JAM3: variants seen among roughly 807,000 people sequenced by gnomAD.
JAM3 encodes the protein junctional adhesion molecule 3, also known as junctional adhesion molecule C.
A neutral mutation model predicts 39.4 loss-of-function variants in JAM3; 31 were observed. The observed-to-expected ratio is 0.79, with a 90% CI of 0.59 to 1.06. JAM3 has a LOEUF of 1.06. Ranked by LOEUF, JAM3 falls within the 50% of genes least tolerant of loss-of-function variation. The probability of loss-of-function intolerance (pLI) is 0.00; values close to 1 mark genes in which losing one functional copy is unlikely to be tolerated. For missense variants in JAM3, 455 were observed against 391.4 expected (o/e 1.16, Z -1.37); for synonymous variants, 182 against 148.7 (o/e 1.22, Z -1.63).
chr11:134,093,482 A>T (rs1409016946), intron 1 of JAM3, among the ~76,000 whole-genome samples: 335 of 104,240 alleles, frequency 3.2e-3, no homozygotes, highest in Middle Eastern at 6.9e-3. Flanking sequence ...CTTATTCATC[A>T]TGTTCCATCT....
chr11:134,132,782 A>G (rs751475788), intron 1 of JAM3, among the ~76,000 whole-genome samples: 1 of 152,182 alleles, frequency 6.6e-6, no homozygotes, highest in East Asian at 1.9e-4. Flanking sequence ...AAAACTCACG[A>G]GAATGTCTGG....
intron 1 of JAM3, among the ~76,000 whole-genome samples, chr11:134,132,939 T>C (rs1449422969): frequency 6.6e-6 from 1 of 152,228 alleles, no homozygotes; most frequent in African/African-American, 2.4e-5. Flanking sequence ...GAGTTTCTGC[T>C]CTGCAGGTTG....
At chr11:134,087,711 C>T (rs1198929083) in intron 1 of JAM3, among the ~76,000 whole-genome samples, 1 of 152,198 alleles carries the variant, frequency 6.6e-6, no homozygotes, top group Non-Finnish European at 1.5e-5. Flanking sequence ...CATGGATTTA[C>T]ACTATGCTCT....
In JAM3 at chr11:134,148,597, G is replaced by C. The variant is rs758388533; in HGVS notation, c.763G>C (p.Val255Leu). 6 of 1,614,140 alleles carry C rather than the reference G, an allele frequency of 3.7e-6. No individual in the cohort carries two copies. The highest frequency in any genetic ancestry group is 2.2e-5 in the East Asian group (1 of 44,884). ...TGGGGGGGTTCTGGTTGTCCTTGCT[G>C]TACTGGCCCTGATCACGTTGGGCAT... The part of the protein sequence containing the change: ...IIGGVLVVLA[V>L]LALITLGICC... The change falls in exon 7 of 9, where the codon GTA (valine) becomes CTA (leucine). Residue 255 changes from valine to leucine, a missense_variant. By Grantham distance (32) the Val-to-Leu change is conservative (BLOSUM62 1). Coordinates refer to ENST00000299106, the MANE Select transcript of JAM3 (RefSeq NM_032801.5).
chr11:134,069,198 T>TG (rs1319963337), intron 1 of JAM3, 39 bp downstream of exon 1: 1 of 1,604,656 alleles, frequency 6.2e-7, no homozygotes, highest in East Asian at 2.2e-5. Flanking sequence ...GACTAGGGTC[T>TG]GGGGGCGACG....
rs646998 is a variant in JAM3, at chr11:134,140,827, A to G, written c.256+57A>G. ...CTTTCCTCTGTCCATAGACCTGGGT[A>G]TACACTCTTGGCCAGAAACTTACCT... On this transcript the variant is annotated intron_variant, in intron 3 of 8. Coordinates refer to ENST00000299106, the MANE Select transcript of JAM3 (RefSeq NM_032801.5). 534,022 of 1,561,506 alleles carry G rather than the reference A, an allele frequency of 0.34. 98,787 individuals are homozygous for G. The highest frequency in any genetic ancestry group is 0.76 in the African/African-American group (55,399 of 73,350).
intron 1 of JAM3, among the ~76,000 whole-genome samples, chr11:134,125,309 C>G (rs898296589): frequency 1.3e-5 from 2 of 152,192 alleles, no homozygotes; most frequent in African/African-American, 4.8e-5. Flanking sequence ...CACATCATGT[C>G]AGAGGCTTTT....
chr11:134,076,938 G>A (rs920340261), intron 1 of JAM3, among the ~76,000 whole-genome samples: 1 of 150,528 alleles, frequency 6.6e-6, no homozygotes, highest in Non-Finnish European at 1.5e-5. Context: ...GGGTTCAAGC[G>A]ATTCTTCTAC....
At chr11:134,078,462 C>G (rs1260512123) in intron 1 of JAM3, among the ~76,000 whole-genome samples, 2 of 152,180 alleles carry the variant, frequency 1.3e-5, no homozygotes, top group African/African-American at 2.4e-5. Context: ...GTTTAACACT[C>G]CTACCCATCT....
chr11:134,125,640 A>G lies in JAM3; in HGVS notation c.77-14211A>G, dbSNP rs114237114. Among the ~76,000 whole-genome samples, 1,104 of 152,262 alleles carry G rather than the reference A, an allele frequency of 7.3e-3. 9 individuals are homozygous for G. Among genetic ancestry groups the G allele is most frequent in the African/African-American group, 0.025 (1,037 of 41,550 alleles). On this transcript the variant is annotated intron_variant, in intron 1 of 8. Coordinates refer to ENST00000299106, the MANE Select transcript of JAM3 (RefSeq NM_032801.5). ...AGTGTAGTCATCTTTCCATCGATGG[A>G]TGCTGGGAAGCTGAATCGGTGTTGA...
At chr11:134,131,705 G>A (rs1324811575) in intron 1 of JAM3, among the ~76,000 whole-genome samples, 1 of 152,102 alleles carries the variant, frequency 6.6e-6, no homozygotes, top group Non-Finnish European at 1.5e-5. Flanking sequence ...AAGGCAATCA[G>A]GCAAACAGTC....
chr11:134,103,812 A>C (rs1322887609), intron 1 of JAM3, among the ~76,000 whole-genome samples: 1 of 152,212 alleles, frequency 6.6e-6, no homozygotes, highest in Non-Finnish European at 1.5e-5. Context: ...ATAGCTAACT[A>C]TCCTAAATAT....
chr11:134,144,442 A>G (rs1264874315), intron 4 of JAM3, 49 bp downstream of exon 4: 5 of 1,603,328 alleles, frequency 3.1e-6, no homozygotes, highest in South Asian at 2.2e-5. Flanking sequence ...GATGCAAGAG[A>G]TCAGTTAGTG....
intron 1 of JAM3, among the ~76,000 whole-genome samples, chr11:134,084,735 C>T (rs1259567801): frequency 2.6e-5 from 4 of 152,274 alleles, no homozygotes; most frequent in South Asian, 2.1e-4. Context: ...TAGAGCCCCT[C>T]GCTTACAAAG....
intron 1 of JAM3, among the ~76,000 whole-genome samples, chr11:134,079,855 A>C (rs891351045): frequency 4.6e-5 from 7 of 152,242 alleles, no homozygotes; most frequent in African/African-American, 1.4e-4. Context: ...AATGTAGTCA[A>C]CAGAAATATC....
Position 134,069,301 on chromosome 11 carries a change from G to A in JAM3, c.76+142G>A, listed in dbSNP as rs1591763847. ...CCCGGGGTCCCGGGCCGGAGGGGCG[G>A]CGCGCGCCCGCGTCCCCGCAGCCAG... On this transcript the variant is annotated intron_variant, in intron 1 of 8. Coordinates refer to ENST00000299106, the MANE Select transcript of JAM3 (RefSeq NM_032801.5). 6 of 1,112,444 alleles carry A rather than the reference G, an allele frequency of 5.4e-6. No individual in the cohort carries two copies. In the African/African-American group the frequency reaches 6.6e-5, roughly 12 times the overall value. 68.9% of individuals were successfully genotyped at this position (1,112,444 alleles called of 1,614,324 possible).
At chr11:134,124,320 C>T (rs755037453) in intron 1 of JAM3, 41 of 793,198 alleles carry the variant, frequency 5.2e-5, no homozygotes, top group Non-Finnish European at 8.4e-5. Flanking sequence ...AGGGGCTGGA[C>T]GGTTCATTAT....
At chr11:134,146,409 GAC>G (rs1491021406) in intron 6 of JAM3, among the ~76,000 whole-genome samples, 1 of 112,384 alleles carries the variant, frequency 8.9e-6, no homozygotes, top group Non-Finnish European at 1.7e-5. Context: ...GTAGAAAACT[GAC>G]AGTTTTAGCC....
At chr11:134,115,916 T>A (rs1942421473) in intron 1 of JAM3, among the ~76,000 whole-genome samples, 1 of 151,802 alleles carries the variant, frequency 6.6e-6, no homozygotes, top group Non-Finnish European at 1.5e-5. Context: ...AAATAAAAAA[T>A]TGGAGGAGGG....
Sources: allele counts gnomAD v4.1 joint callset (sites outside exome capture counted in the v4.1 genomes callset), GRCh38; gene constraint gnomAD v4.1.1; transcripts MANE v1.5; gene names NCBI Gene and HGNC (gene_info 2026-07-23, HGNC 2026-07-21).